SH3D19: variants seen among roughly 807,000 people sequenced by gnomAD.
SH3D19 encodes the protein SH3 domain-containing protein 19.
In SH3D19, 58 loss-of-function variants were observed where a neutral mutation model predicts 112.1. The observed-to-expected ratio is 0.52, with a 90% CI of 0.42 to 0.64. The LOEUF (loss-of-function observed/expected upper bound fraction) is 0.64, where lower values mean the gene tolerates loss of function less well. Ranked by LOEUF, SH3D19 falls within the 30% of genes least tolerant of loss-of-function variation. The pLI, the probability that SH3D19 is intolerant of heterozygous loss-of-function variation, is 0.00. For synonymous variants in SH3D19, 391 were observed against 448.5 expected, an observed-to-expected ratio of 0.87 and a Z score of 1.62; for missense variants, 1,090 against 1,263.4, an observed-to-expected ratio of 0.86 and a Z score of 2.08.
At chr4:151,126,994 C>T (rs1749540736) in intron 19 of SH3D19, among the ~76,000 whole-genome samples, 1 of 151,042 alleles carries the variant, frequency 6.6e-6, no homozygotes, top group Admixed American at 6.6e-5. Flanking sequence ...ACTGCAAGCT[C>T]CACCTCCCGG....
At chr4:151,213,671 A>T (rs13108857) in intron 2 of SH3D19, among the ~76,000 whole-genome samples, 6,579 of 148,074 alleles carry the variant, frequency 0.044, 232 homozygotes, top group African/African-American at 0.051. Context: ...AATATGAATT[A>T]ATTAATTAAT....
chr4:151,210,552 C>A (rs1323990923), intron 2 of SH3D19, among the ~76,000 whole-genome samples: 1 of 152,014 alleles, frequency 6.6e-6, no homozygotes, highest in Non-Finnish European at 1.5e-5. Flanking sequence ...CAGGCACCTG[C>A]CACCACACCT....
intron 1 of SH3D19, among the ~76,000 whole-genome samples, chr4:151,237,047 G>A (rs1014216904): frequency 2.6e-5 from 4 of 152,272 alleles, no homozygotes; most frequent in South Asian, 4.1e-4. Context: ...CACTCTTCAC[G>A]ATAAACCTTG....
chr4:151,158,202 T>C lies in SH3D19; in HGVS notation c.1755+1038A>G, dbSNP rs1756483156. Among the ~76,000 whole-genome samples the C allele has an allele frequency of 5.3e-5, 8 of 152,298 alleles. No individual in the cohort carries two copies. In the South Asian group the frequency reaches 1.7e-3, roughly 32 times the overall value. ...AACATCACTATGTACCCCAAGAATATGTACAATTATTATTTAAATTTAAAA... is the reference window on the plus strand; with the variant it reads ...AACATCACTATGTACCCCAAGAATACGTACAATTATTATTTAAATTTAAAA... On this transcript the variant is annotated intron_variant, in intron 9 of 19. Coordinates refer to ENST00000604030, the MANE Select transcript of SH3D19 (RefSeq NM_001378122.1).
chr4:151,179,057 C>T (rs139059374), intron 4 of SH3D19, among the ~76,000 whole-genome samples: 9 of 152,190 alleles, frequency 5.9e-5, no homozygotes, highest in Non-Finnish European at 1.2e-4. Flanking sequence ...GCATGAGGTA[C>T]AAAGCATTTC....
chr4:151,312,224 T>A (rs1456787668), intron 1 of SH3D19, among the ~76,000 whole-genome samples: 1 of 152,192 alleles, frequency 6.6e-6, no homozygotes, highest in Non-Finnish European at 1.5e-5. Flanking sequence ...GAAAAATGCA[T>A]GATGGATTCT....
At chr4:151,157,379 C>G (rs1394691289) in intron 9 of SH3D19, among the ~76,000 whole-genome samples, 2 of 150,412 alleles carry the variant, frequency 1.3e-5, no homozygotes, top group Non-Finnish European at 3.0e-5. Flanking sequence ...ATCAAAATGG[C>G]AATGAGGTAT....
At position 151,315,307 on chromosome 4, in the gene SH3D19, A is replaced by G. The variant is rs75077984; in HGVS notation, c.112+9934T>C. ...ATTGTCTCGGCACCCAGTGCACAATAAATATTAACTTGTTATTTGATTATC... is the reference window on the plus strand; with the variant it reads ...ATTGTCTCGGCACCCAGTGCACAATGAATATTAACTTGTTATTTGATTATC... On this transcript the variant is annotated intron_variant, in intron 1 of 19. Transcript: ENST00000604030. Among the ~76,000 whole-genome samples the G allele has an allele frequency of 9.6e-3, 1,466 of 152,300 alleles. 18 individuals are homozygous for G. The highest frequency in any genetic ancestry group is 0.031 in the African/African-American group (1,308 of 41,552).
intron 7 of SH3D19, among the ~76,000 whole-genome samples, chr4:151,168,265 G>C (rs1488549794): frequency 1.3e-5 from 2 of 152,128 alleles, no homozygotes; most frequent in African/African-American, 4.8e-5. Context: ...GGGCAGAAGG[G>C]AAGCAGGTTG....
At position 151,245,265 on chromosome 4, in the gene SH3D19, T is replaced by C. The variant is rs112901310; in HGVS notation, c.113-19179A>G. Among the ~76,000 whole-genome samples the C allele has an allele frequency of 3.5e-3, 533 of 152,304 alleles. 4 individuals carry two copies. Among genetic ancestry groups the C allele is most frequent in the African/African-American group, 0.012 (512 of 41,572 alleles). The stretch of plus-strand genomic sequence containing the variant: ...ACTAATATATTAATTTGTTCAAGTC[T>C]TAATTAAGTAGTGTAACTAACTACT... On this transcript the variant is annotated intron_variant, in intron 1 of 19. Coordinates refer to ENST00000604030, the MANE Select transcript of SH3D19 (RefSeq NM_001378122.1).
intron 9 of SH3D19, among the ~76,000 whole-genome samples, chr4:151,152,847 T>C (rs532061871): frequency 2.8e-4 from 42 of 151,730 alleles, no homozygotes; most frequent in African/African-American, 1.0e-3. Context: ...TACATATATA[T>C]ATATTTGAGA....
At chr4:151,219,369 T>C (rs948756751) in intron 2 of SH3D19, among the ~76,000 whole-genome samples, 3 of 152,192 alleles carry the variant, frequency 2.0e-5, no homozygotes, top group Admixed American at 1.3e-4. Flanking sequence ...TCTTTTACTA[T>C]AAATTCCCAC....
At chr4:151,155,004 C>T (rs189451646) in intron 9 of SH3D19, among the ~76,000 whole-genome samples, 45 of 151,912 alleles carry the variant, frequency 3.0e-4, no homozygotes, top group African/African-American at 1.0e-3. Context: ...GTGATTTGCC[C>T]GCCTTGGCCT....
chr4:151,310,033 C>T (rs1359720070), intron 1 of SH3D19, among the ~76,000 whole-genome samples: 1 of 151,626 alleles, frequency 6.6e-6, no homozygotes, highest in Non-Finnish European at 1.5e-5. Context: ...CCTGTAATCC[C>T]AGCACTTTGG....
In SH3D19 at chr4:151,135,131, A is replaced by G. The variant is rs1751540432; in HGVS notation, c.2429T>C (p.Ile810Thr). Residue 810 changes from isoleucine to threonine, a missense_variant and splice_region_variant, in exon 15 of 20, where the codon ATT (isoleucine) becomes ACT (threonine). Coordinates refer to ENST00000604030, the MANE Select transcript of SH3D19 (RefSeq NM_001378122.1). ...IFPANYVKVIIDIPEGGNGKR... is the reference protein window; with the variant it reads ...IFPANYVKVITDIPEGGNGKR... ...CCCATTTCCTCCTTCTGGGATATCA[A>G]TCTAGCAAAGATAAAATCAAGGCAA... 3 of 1,598,528 alleles carry G rather than the reference A, an allele frequency of 1.9e-6. No homozygotes were observed. Among genetic ancestry groups the G allele is most frequent in the South Asian group, 2.3e-5 (2 of 88,042 alleles).
intron 2 of SH3D19, among the ~76,000 whole-genome samples, chr4:151,192,195 G>A (rs112664849): frequency 7.4e-5 from 11 of 149,476 alleles, no homozygotes; most frequent in Admixed American, 6.7e-4. Context: ...CCTCGGCCTC[G>A]CAAAGTGCTG....
At chr4:151,178,835 C>T (rs982241010) in intron 4 of SH3D19, among the ~76,000 whole-genome samples, 3 of 152,178 alleles carry the variant, frequency 2.0e-5, no homozygotes, top group Non-Finnish European at 4.4e-5. Context: ...GTCCATCCAT[C>T]CTTCTGTCCA....
intron 1 of SH3D19, among the ~76,000 whole-genome samples, chr4:151,304,792 A>G (rs1324453034): frequency 1.3e-5 from 2 of 152,186 alleles, no homozygotes; most frequent in Non-Finnish European, 2.9e-5. Context: ...ATATGCTCAG[A>G]AAAGACCTGA....
intron 1 of SH3D19, among the ~76,000 whole-genome samples, chr4:151,305,994 C>T (rs1194390948): frequency 6.6e-6 from 1 of 152,122 alleles, no homozygotes; most frequent in Non-Finnish European, 1.5e-5. Flanking sequence ...AATCAATGTC[C>T]AAGGCATTCT....
Sources: gnomAD v4.1 joint callset for allele counts (sites outside exome capture counted in the v4.1 genomes callset) on GRCh38, gnomAD v4.1.1 for gene constraint, MANE v1.5 for transcripts, NCBI Gene and HGNC (gene_info 2026-07-23, HGNC 2026-07-21) for gene names.